Variants in KCTD1 observed in about 807,000 individuals in gnomAD.
The protein encoded by KCTD1 is potassium channel tetramerization domain containing 1.
In KCTD1, 24 loss-of-function variants were observed where a neutral mutation model predicts 66.0. That is an observed-to-expected ratio of 0.36 (90% CI 0.26 to 0.51). KCTD1 has a LOEUF of 0.51. Among genes scored for constraint, KCTD1 ranks in the 20% least tolerant of loss-of-function variants. The probability of loss-of-function intolerance (pLI) is 0.95; values close to 1 mark genes in which losing one functional copy is unlikely to be tolerated. For missense variants in KCTD1, 943 were observed against 1,205.2 expected (o/e 0.78, Z 3.22); for synonymous variants, 511 against 517.2 (o/e 0.99, Z 0.16).
chr18:26,503,740 C>T (rs1381365430), intron 1 of KCTD1, among the ~76,000 whole-genome samples: 3 of 151,196 alleles, frequency 2.0e-5, no homozygotes, highest in Non-Finnish European at 2.9e-5. Flanking sequence ...CATAACTGAT[C>T]GGTTGAAGCA....
At chr18:26,516,312 T>G (rs1196617874) in intron 1 of KCTD1, among the ~76,000 whole-genome samples, 1 of 152,236 alleles carries the variant, frequency 6.6e-6, no homozygotes, top group African/African-American at 2.4e-5. Context: ...TGTGCTTCCC[T>G]GTAGATCTTG....
upstream of KCTD1, among the ~76,000 whole-genome samples, chr18:26,633,670 A>G (rs1425193596): frequency 2.0e-5 from 3 of 152,202 alleles, no homozygotes. Context: ...TAATTTGTCA[A>G]CTCAATAGAA....
rs1200643292 is a variant in KCTD1, at chr18:26,581,803, A to AAT, written c.-16+47342_-16+47343dup. ...ACACAACACCTAGGGAGCTATATAA[A>AAT]ATATATATGAAATTTGGTTTCATAA... On this transcript the variant is annotated intron_variant, in intron 1 of 4. Coordinates refer to the KCTD1 transcript ENST00000317932. The AAT allele has an allele frequency of 5.3e-5, 8 of 152,290 alleles. No homozygotes were observed. In the South Asian group the frequency reaches 1.7e-3, roughly 32 times the overall value. The allele number at this position is 152,290 out of a possible 1,614,324, so 9.4% of individuals were successfully genotyped here.
intron 1 of KCTD1, among the ~76,000 whole-genome samples, chr18:26,593,336 A>AGAGGAGGAGGAGGAG (rs1450558108): frequency 8.7e-5 from 10 of 115,314 alleles, no homozygotes; most frequent in South Asian, 3.3e-4. Flanking sequence ...AGGAGGAGGA[A>AGAGGAGGAGGAGGAG]GAGGAGGAAG....
At position 26,546,660 on chromosome 18, in the gene KCTD1, T is replaced by C. The variant is rs971379602; in HGVS notation, c.1809+68A>G. The stretch of plus-strand genomic sequence containing the variant: ...AACTTCCCCCCTACCCAGAGCTGCA[T>C]TAGCACAAAAGTTAGTCCCGAAGTG... On this transcript the variant is annotated intron_variant, in intron 1 of 4. Transcript: ENST00000580059. 4.1e-6 allele frequency: 6 copies of C among 1,472,788 alleles called. No homozygotes were observed. In the Admixed American group the frequency reaches 7.4e-5, roughly 18 times the overall value. The allele number at this position is 1,472,788 out of a possible 1,614,324, so 91.2% of individuals were successfully genotyped here.
At chr18:26,532,261 C>CTTTTTTTTTTTTTTTTTTT (rs533359603) in intron 1 of KCTD1, among the ~76,000 whole-genome samples, 8 of 29,562 alleles carry the variant, frequency 2.7e-4, no homozygotes, top group African/African-American at 5.2e-4. Flanking sequence ...TTCTTTCCTT[C>CTTTTTTTTTTTTTTTTTTT]TTTTTTTTTT....
At chr18:26,497,760 T>C (rs566314102) in intron 2 of KCTD1, among the ~76,000 whole-genome samples, 1 of 152,314 alleles carries the variant, frequency 6.6e-6, no homozygotes, top group South Asian at 2.1e-4. Flanking sequence ...GAAGTTACTT[T>C]GTAAGGCTTG....
intron 1 of KCTD1, among the ~76,000 whole-genome samples, chr18:26,560,942 T>C (rs1985832895): frequency 6.6e-6 from 1 of 152,168 alleles, no homozygotes; most frequent in Non-Finnish European, 1.5e-5. Context: ...CACAAAGATA[T>C]ATGTACAAGG....
chr18:26,643,157 G>A (rs1010132969), upstream of KCTD1, among the ~76,000 whole-genome samples: 32 of 152,110 alleles, frequency 2.1e-4, no homozygotes, highest in African/African-American at 6.8e-4. Context: ...TCTCTGGCTC[G>A]CCGACAGCCA....
At chr18:26,637,792 T>C (rs116996267) in intron 1 of KCTD1, among the ~76,000 whole-genome samples, 1,848 of 152,308 alleles carry the variant, frequency 0.012, 16 homozygotes, top group Middle Eastern at 0.027. Flanking sequence ...TGTCAGTTTA[T>C]TAGCTGTGCA....
intron 1 of KCTD1, among the ~76,000 whole-genome samples, chr18:26,657,163 C>G (rs1988173628): frequency 6.6e-6 from 1 of 151,826 alleles, no homozygotes; most frequent in African/African-American, 2.4e-5. Flanking sequence ...GGAGCGGCAG[C>G]CCCGGAGGAG....
At chr18:26,598,402 T>A (rs115735274) in intron 1 of KCTD1, among the ~76,000 whole-genome samples, 2,299 of 152,226 alleles carry the variant, frequency 0.015, 59 homozygotes, top group African/African-American at 0.052. Context: ...TAGACTATTA[T>A]AAATGACGCT....
chr18:26,547,866 C>T lies in KCTD1; in HGVS notation c.671G>A (p.Ser224Asn), dbSNP rs1985328113. The part of the protein sequence containing the change: ...EARSKSGQLY[S>N]KSSLISIRSS... ...GCGGATGCTGATGAGCGACGACTTG[C>T]TGTAGAGCTGGCCGCTTTTGGAGCG... The change falls in exon 1 of 5, where the codon AGC becomes AAC. Residue 224 changes from serine to asparagine, a missense_variant. Ser to Asn is a conservative substitution (Grantham distance 46, BLOSUM62 1). This residue lies in a region of KCTD1 where 96 missense variants were observed against 132.5 expected (regional missense o/e 0.72). Coordinates refer to ENST00000580059, the MANE Select transcript of KCTD1 (RefSeq NM_001142730.3). The T allele has an allele frequency of 1.3e-6, 2 of 1,542,468 alleles. No homozygotes were observed.
chr18:26,587,711 G>A (rs535145368), intron 1 of KCTD1, among the ~76,000 whole-genome samples: 2 of 152,180 alleles, frequency 1.3e-5, no homozygotes, highest in African/African-American at 2.4e-5. Context: ...CCTCATAAAC[G>A]ACTTTCAGGG....
At chr18:26,516,154 AAG>A (rs1983645611) in intron 1 of KCTD1, among the ~76,000 whole-genome samples, 1 of 152,092 alleles carries the variant, frequency 6.6e-6, no homozygotes, top group Non-Finnish European at 1.5e-5. Context: ...GGGAGTGAGA[AAG>A]AAACTGATGG....
chr18:26,507,223 T>G (rs1381442012), intron 1 of KCTD1, among the ~76,000 whole-genome samples: 1 of 152,216 alleles, frequency 6.6e-6, no homozygotes, highest in Admixed American at 6.5e-5. Context: ...CTGTGGCTAG[T>G]TGCTATCATT....
At chr18:26,542,355 T>C (rs983804884) in intron 1 of KCTD1, among the ~76,000 whole-genome samples, 2 of 152,214 alleles carry the variant, frequency 1.3e-5, no homozygotes, top group African/African-American at 2.4e-5. Flanking sequence ...ATTGGTACAA[T>C]GCAATGAATG....
intron 1 of KCTD1, among the ~76,000 whole-genome samples, chr18:26,513,580 G>A (rs1051201198): frequency 6.6e-6 from 1 of 152,206 alleles, no homozygotes; most frequent in African/African-American, 2.4e-5. Context: ...TAGAGACGAA[G>A]TTTTAGCCTA....
intron 1 of KCTD1, among the ~76,000 whole-genome samples, chr18:26,610,109 C>A (rs1259214240): frequency 1.3e-5 from 2 of 152,126 alleles, no homozygotes; most frequent in Non-Finnish European, 2.9e-5. Context: ...GTGGGTACAT[C>A]TATGGTGTCT....
Sources: gnomAD v4.1 joint callset for allele counts (sites outside exome capture counted in the v4.1 genomes callset) on GRCh38, gnomAD v4.1.1 for gene constraint, gnomAD v4.1.1 regional missense constraint, MANE v1.5 for transcripts, NCBI Gene and HGNC (gene_info 2026-07-23, HGNC 2026-07-21) for gene names.